Variants in CCSER1 observed in about 807,000 individuals in gnomAD.
The protein encoded by CCSER1 is serine-rich coiled-coil domain-containing protein 1.
Under a neutral mutation model 82.0 loss-of-function variants are expected in CCSER1, and 41 were observed. The observed-to-expected ratio is 0.50, with a 90% CI of 0.39 to 0.65. The LOEUF (loss-of-function observed/expected upper bound fraction) is 0.65. Ranked by LOEUF, CCSER1 falls within the 30% of genes least tolerant of loss-of-function variation. CCSER1 has a pLI of 0.00. For synonymous variants in CCSER1, 414 were observed against 383.9 expected (o/e 1.08, Z -0.92); for missense variants, 1,119 against 1,064.2 (o/e 1.05, Z -0.72).
chr4:91,023,121 G>A (rs1740159692), intron 9 of CCSER1, among the ~76,000 whole-genome samples: 1 of 152,096 alleles, frequency 6.6e-6, no homozygotes, highest in Non-Finnish European at 1.5e-5. Flanking sequence ...ACCTCTTCAA[G>A]GAGAACTACA....
chr4:91,136,249 A>G (rs1478843116), intron 10 of CCSER1, among the ~76,000 whole-genome samples: 2 of 151,992 alleles, frequency 1.3e-5, no homozygotes, highest in Non-Finnish European at 2.9e-5. Context: ...CACCTCATAC[A>G]TTTGCCAGTG....
rs531896646 is a variant in CCSER1, at chr4:90,884,493, G to A, written c.2095-38877G>A. On this transcript the variant is annotated intron_variant, in intron 8 of 10. Coordinates refer to ENST00000509176, the MANE Select transcript of CCSER1 (RefSeq NM_001145065.2). The stretch of plus-strand genomic sequence containing the variant: ...ATTATTAAAATCTCCAGGAAAGTAA[G>A]CATCAAATTATCTATTAATTCTAGC... Among the ~76,000 whole-genome samples, 53 of 152,114 alleles carry A rather than the reference G, an allele frequency of 3.5e-4. No homozygotes were observed. In the East Asian group the frequency reaches 0.01, roughly 29 times the overall value.
intron 9 of CCSER1, among the ~76,000 whole-genome samples, chr4:91,026,718 T>C (rs1194387234): frequency 1.3e-5 from 2 of 152,064 alleles, no homozygotes; most frequent in African/African-American, 4.8e-5. Flanking sequence ...TTAGCACTTA[T>C]TCTGTAAGTA....
intron 10 of CCSER1, among the ~76,000 whole-genome samples, chr4:91,229,368 A>C (rs1420263333): frequency 6.6e-6 from 1 of 151,818 alleles, no homozygotes; most frequent in Non-Finnish European, 1.5e-5. Flanking sequence ...AAAAAAACAG[A>C]GTACTCTTTG....
At chr4:91,451,884 G>A (rs1196747420) in intron 10 of CCSER1, among the ~76,000 whole-genome samples, 2 of 151,932 alleles carry the variant, frequency 1.3e-5, no homozygotes, top group East Asian at 1.9e-4. Context: ...TACCATTATC[G>A]AGAAGTAAAC....
chr4:90,981,908 A>C (rs1009969825), intron 9 of CCSER1, among the ~76,000 whole-genome samples: 1 of 151,834 alleles, frequency 6.6e-6, no homozygotes. Flanking sequence ...AAACTGATGC[A>C]TGAGAGTAGC....
chr4:91,556,410 A>C (rs575432412), intron 10 of CCSER1, among the ~76,000 whole-genome samples: 3 of 151,152 alleles, frequency 2.0e-5, no homozygotes, highest in South Asian at 4.2e-4. Flanking sequence ...ATTCACAGGC[A>C]ATCAGTAATA....
At chr4:91,184,052 G>C (rs1189430233) in intron 10 of CCSER1, among the ~76,000 whole-genome samples, 1 of 152,332 alleles carries the variant, frequency 6.6e-6, no homozygotes, top group East Asian at 1.9e-4. Context: ...GAGTGCAGCA[G>C]TATGAATTTT....
At chr4:90,226,291 G>A (rs187747959) in intron 1 of CCSER1, among the ~76,000 whole-genome samples, 1 of 152,218 alleles carries the variant, frequency 6.6e-6, no homozygotes, top group African/African-American at 2.4e-5. Context: ...AAATTTGGGA[G>A]TGTTTTGTTT....
intron 1 of CCSER1, among the ~76,000 whole-genome samples, chr4:90,204,116 A>C (rs927649245): frequency 1.3e-5 from 2 of 152,236 alleles, no homozygotes; most frequent in Non-Finnish European, 2.9e-5. Context: ...GATAGATTGC[A>C]AAAATTTTCT....
Position 90,763,249 on chromosome 4 carries a change from C to T in CCSER1, c.2010+39258C>T, listed in dbSNP as rs139645397. On this transcript the variant is annotated intron_variant, in intron 7 of 10. Transcript: ENST00000509176. ...GGGGCTTAGTTCCACCTATTGAGTA[C>T]CTTAAATCATGGAGGACTCATGGGT... Among the ~76,000 whole-genome samples, 232 of 151,924 alleles carry T rather than the reference C, an allele frequency of 1.5e-3. 1 individual carries two copies. The highest frequency in any genetic ancestry group is 5.4e-3 in the African/African-American group (224 of 41,440).
chr4:90,608,229 A>G (rs1222664531), intron 5 of CCSER1, among the ~76,000 whole-genome samples: 5 of 152,164 alleles, frequency 3.3e-5, no homozygotes, highest in Admixed American at 2.0e-4. Flanking sequence ...CCACAAGGCT[A>G]CAGTAGTGGT....
In CCSER1 at chr4:91,133,522, A is replaced by G. The variant is rs535239805; in HGVS notation, c.2217+47528A>G. 6.6e-5 allele frequency among the ~76,000 whole-genome samples: 10 copies of G among 152,298 alleles called. No individual in the cohort carries two copies. The East Asian group carries it at 1.9e-3, about 29-fold the overall frequency. ...GTGAAGGTAGATTGACGCCTCTGGT[A>G]TTGAACTGGACTTAGAGGCATTGGT... On this transcript the variant is annotated intron_variant, in intron 10 of 10. Transcript: ENST00000509176.
intron 6 of CCSER1, among the ~76,000 whole-genome samples, chr4:90,664,139 G>T (rs1415553430): frequency 6.6e-6 from 1 of 152,130 alleles, no homozygotes; most frequent in Non-Finnish European, 1.5e-5. Context: ...GGATTAATTT[G>T]AAATATTGAT....
chr4:91,100,342 G>A (rs1724933591), intron 10 of CCSER1, among the ~76,000 whole-genome samples: 2 of 151,706 alleles, frequency 1.3e-5, no homozygotes. Context: ...CTGGCACATA[G>A]GAAGCACCCA....
chr4:90,352,298 T>C (rs1743603056), intron 3 of CCSER1, among the ~76,000 whole-genome samples: 1 of 152,056 alleles, frequency 6.6e-6, no homozygotes, highest in South Asian at 2.1e-4. Context: ...CACTCCAGCC[T>C]GGGCGACAGA....
intron 6 of CCSER1, among the ~76,000 whole-genome samples, chr4:90,661,649 T>A (rs189790315): frequency 9.1e-4 from 138 of 152,266 alleles, no homozygotes; most frequent in African/African-American, 3.0e-3. Context: ...TGGTACAGAT[T>A]AGAGAAAGAG....
chr4:91,380,671 G>T (rs1750816099), intron 10 of CCSER1, among the ~76,000 whole-genome samples: 1 of 152,130 alleles, frequency 6.6e-6, no homozygotes, highest in African/African-American at 2.4e-5. Flanking sequence ...CCTGAATACA[G>T]CACACTGATG....
intron 5 of CCSER1, among the ~76,000 whole-genome samples, chr4:90,566,808 T>C (rs1779451497): frequency 6.6e-6 from 1 of 152,024 alleles, no homozygotes; most frequent in African/African-American, 2.4e-5. Flanking sequence ...TTCACCGTGT[T>C]AGCCAGGATG....
Sources: gnomAD v4.1 joint callset for allele counts (sites outside exome capture counted in the v4.1 genomes callset) on GRCh38, gnomAD v4.1.1 for gene constraint, MANE v1.5 for transcripts, NCBI Gene and HGNC (gene_info 2026-07-23, HGNC 2026-07-21) for gene names.